The following NUMB variants were observed in gnomAD, a reference collection of about 807,000 sequenced individuals.
NUMB encodes NUMB endocytic adaptor protein, also known as protein numb homolog.
NUMB carries 29 observed loss-of-function variants against 59.7 expected under a neutral mutation model. The ratio of observed to expected loss-of-function variants is 0.49; its 90% CI spans 0.36 to 0.66. The LOEUF is 0.66. NUMB is among the 30% of genes least tolerant of loss of function. NUMB has a pLI of 0.00. For synonymous variants in NUMB, 288 were observed against 288.2 expected (o/e 1.00, Z 0.01); for missense variants, 723 against 822.0 (o/e 0.88, Z 1.47).
chr14:73,406,938 GTTGT>G (rs1896700635), intron 2 of NUMB, among the ~76,000 whole-genome samples: 1 of 152,078 alleles, frequency 6.6e-6, no homozygotes, highest in African/African-American at 2.4e-5. Context: ...TTTTGATGGG[GTTGT>G]TTGATTCTCC....
intron 4 of NUMB, among the ~76,000 whole-genome samples, chr14:73,352,075 A>G (rs1893322500): frequency 6.6e-6 from 1 of 152,076 alleles, no homozygotes; most frequent in Admixed American, 6.6e-5. Context: ...TAATGAAAAG[A>G]ACACACGATT....
At position 73,276,960 on chromosome 14, in the gene NUMB, G is replaced by A. The variant is rs1470493763; in HGVS notation, c.1574C>T (p.Pro525Leu). The change falls in exon 13 of 13, where the codon CCT (proline) becomes CTT (leucine). Residue 525 changes from proline (P) to leucine (L), a missense_variant. Pro to Leu is a moderately conservative substitution (Grantham distance 98, BLOSUM62 -3). Transcript: ENST00000555238. ...NGMPYPAPNVPVVGITPSQMV... is the reference protein window; with the variant it reads ...NGMPYPAPNVLVVGITPSQMV... ...CTGGGAGGGAGTGATGCCCACCACA[G>A]GCACATTAGGGGCTGGATAGGGCAT... 6.2e-7 allele frequency: 1 copy of A among 1,614,152 alleles called. No individual in the cohort carries two copies.
chr14:73,359,130 ACTTT>A (rs1893969141), intron 3 of NUMB, among the ~76,000 whole-genome samples: 1 of 152,236 alleles, frequency 6.6e-6, no homozygotes, highest in African/African-American at 2.4e-5. Flanking sequence ...GTATCTTGTC[ACTTT>A]CTTTTTTAAA....
At chr14:73,395,880 G>T (rs1213519874) in intron 2 of NUMB, among the ~76,000 whole-genome samples, 2 of 152,178 alleles carry the variant, frequency 1.3e-5, no homozygotes, top group South Asian at 2.1e-4. Flanking sequence ...AAGGTGAATT[G>T]AGTTCTAGAA....
intron 1 of NUMB, among the ~76,000 whole-genome samples, chr14:73,441,539 G>GA (rs372539340): frequency 3.3e-5 from 5 of 150,524 alleles, no homozygotes; most frequent in African/African-American, 4.9e-5. Flanking sequence ...CCATCTCAAA[G>GA]AAAAAAAAAT....
rs764461595 is a variant in NUMB at position 73,277,004 on chromosome 14, G to A, written c.1530C>T (p.Ser510=). ...ALQPAFVPAQ[S]YPVANGMPYP... ...AGGGCATTCCATTGGCCACAGGATA[G>A]GACTGGGCAGGGACAAAGGCTGGTT... The change falls in exon 13 of 13, where the codon TCC becomes TCT. Residue 510 remains serine (S), a synonymous_variant. Coordinates refer to ENST00000555238, the MANE Select transcript of NUMB (RefSeq NM_001005743.2). The A allele has an allele frequency of 1.2e-6, 2 of 1,614,172 alleles. No homozygotes were observed. The highest frequency in any genetic ancestry group is 1.1e-5 in the South Asian group (1 of 91,078).
chr14:73,445,224 T>C (rs1883386813), intron 1 of NUMB, among the ~76,000 whole-genome samples: 1 of 151,598 alleles, frequency 6.6e-6, no homozygotes, highest in African/African-American at 2.4e-5. Flanking sequence ...CATGATGGCA[T>C]GTACCTGTAA....
chr14:73,292,993 A>G, intron 7 of NUMB, 119 bp from the exon 8 acceptor site: 1 of 990,678 alleles, frequency 1.0e-6, no homozygotes, highest in Non-Finnish European at 1.5e-6. Context: ...AGGCTATGGA[A>G]TACCTAGATC....
rs869074049 is a variant in NUMB at position 73,389,272 on chromosome 14, C to CAA, written c.-101+20663_-101+20664dup. 6.9e-3 allele frequency among the ~76,000 whole-genome samples: 457 copies of CAA among 66,342 alleles called. 13 individuals are homozygous for CAA. The highest frequency in any genetic ancestry group is 0.018 in the African/African-American group (309 of 17,072). The allele number at this position is 66,342 out of a possible 152,430, so 43.5% of individuals were successfully genotyped here. ...GGTTACAGAGCGAGACTCCATCTCT[C>CAA]AAAAAAAAAAAAAAAAAAAAACAAA... On this transcript the variant is annotated intron_variant, in intron 2 of 12. Coordinates refer to ENST00000555238, the MANE Select transcript of NUMB (RefSeq NM_001005743.2).
intron 2 of NUMB, among the ~76,000 whole-genome samples, chr14:73,386,867 A>ATT (rs71112745): frequency 0.01 from 805 of 79,760 alleles, 117 homozygotes; most frequent in Middle Eastern, 0.021. Flanking sequence ...CAGGTGTCTT[A>ATT]TTTTTTTTTT....
chr14:73,288,410 A>T (rs1889155047), intron 8 of NUMB, among the ~76,000 whole-genome samples: 1 of 151,458 alleles, frequency 6.6e-6, no homozygotes. Flanking sequence ...AATTAGCCGG[A>T]TGTGGTGGCG....
chr14:73,341,009 G>A (rs1300129637), intron 4 of NUMB, among the ~76,000 whole-genome samples: 1 of 152,168 alleles, frequency 6.6e-6, no homozygotes, highest in Non-Finnish European at 1.5e-5. Flanking sequence ...GATGCCATGT[G>A]AAGATGGTCC....
Position 73,275,493 on chromosome 14 carries a change from C to G in NUMB, c.*1085G>C, listed in dbSNP as rs565915833. Reference sequence around the variant, plus strand: ...ATTTAAAGGATAAAACAAAACCCACCAAGACCCATATTACAAACCAATATG... The same window carrying G: ...ATTTAAAGGATAAAACAAAACCCACGAAGACCCATATTACAAACCAATATG... On this transcript the variant is annotated 3_prime_UTR_variant, in exon 13 of 13. Coordinates refer to ENST00000555238, the MANE Select transcript of NUMB (RefSeq NM_001005743.2). 6.6e-6 allele frequency: 1 copy of G among 152,288 alleles called. No individual in the cohort carries two copies. Among genetic ancestry groups the G allele is most frequent in the South Asian group, 2.1e-4 (1 of 4,816 alleles). The allele number at this position is 152,288 out of a possible 1,614,324, so 9.4% of individuals were successfully genotyped here.
chr14:73,283,985 G>A (rs1888811665), intron 10 of NUMB, 96 bp downstream of exon 10: 2 of 1,167,274 alleles, frequency 1.7e-6, no homozygotes, highest in East Asian at 2.4e-5. Flanking sequence ...CAGGGAAAGA[G>A]GAATGCCTAG....
intron 2 of NUMB, among the ~76,000 whole-genome samples, chr14:73,389,294 C>CAAA (rs202010932): frequency 2.6e-5 from 2 of 77,254 alleles, no homozygotes; most frequent in African/African-American, 5.2e-5. Context: ...AAAAAAAAAA[C>CAAA]AAAAACAAAA....
chr14:73,323,841 C>A (rs74527902), intron 4 of NUMB, among the ~76,000 whole-genome samples: 1 of 152,150 alleles, frequency 6.6e-6, no homozygotes, highest in Non-Finnish European at 1.5e-5. Context: ...GAGAGAAATA[C>A]ATAAAGTTAT....
At chr14:73,313,968 G>A (rs1016485821) in intron 6 of NUMB, among the ~76,000 whole-genome samples, 6 of 151,898 alleles carry the variant, frequency 4.0e-5, no homozygotes, top group African/African-American at 9.7e-5. Flanking sequence ...ATGCCGAGGC[G>A]GGCAGATCAC....
chr14:73,363,407 T>A (rs909740646), intron 3 of NUMB, among the ~76,000 whole-genome samples: 24 of 152,162 alleles, frequency 1.6e-4, no homozygotes, highest in Non-Finnish European at 2.4e-4. Flanking sequence ...CCATTTAGAA[T>A]ACTGCATACC....
chr14:73,339,858 G>A (rs976194169), intron 4 of NUMB, among the ~76,000 whole-genome samples: 2 of 152,164 alleles, frequency 1.3e-5, no homozygotes, highest in African/African-American at 4.8e-5. Flanking sequence ...AAACTGGAGG[G>A]CAGGCAGAAG....
Sources: allele counts gnomAD v4.1 joint callset (sites outside exome capture counted in the v4.1 genomes callset), GRCh38; gene constraint gnomAD v4.1.1; transcripts MANE v1.5; gene names NCBI Gene and HGNC (gene_info 2026-07-23, HGNC 2026-07-21).